The following RAPGEF5 variants were observed in gnomAD, a reference collection of about 807,000 sequenced individuals.
RAPGEF5 encodes the protein Rap guanine nucleotide exchange factor 5.
A neutral mutation model predicts 125.2 loss-of-function variants in RAPGEF5; 65 were observed. That is an observed-to-expected ratio of 0.52 (90% CI 0.43 to 0.64). RAPGEF5 has a LOEUF of 0.64. RAPGEF5 is among the 30% of genes least tolerant of loss of function. RAPGEF5 has a pLI of 0.00. For missense variants in RAPGEF5, 958 were observed against 1,048.1 expected (o/e 0.91, Z 1.19); for synonymous variants, 391 against 385.9 (o/e 1.01, Z -0.16).
chr7:22,185,110 A>G (rs561533444), intron 11 of RAPGEF5, among the ~76,000 whole-genome samples: 1 of 152,332 alleles, frequency 6.6e-6, no homozygotes, highest in Admixed American at 6.5e-5. Flanking sequence ...TTTTACTTCA[A>G]TTATGCCTTT....
chr7:22,305,898 G>A (rs1189995287), intron 5 of RAPGEF5, among the ~76,000 whole-genome samples: 1 of 152,032 alleles, frequency 6.6e-6, no homozygotes, highest in Non-Finnish European at 1.5e-5. Context: ...TCTTTTTTAT[G>A]GCTGAATAGT....
chr7:22,352,403 T>C (rs1049907219), intron 1 of RAPGEF5, among the ~76,000 whole-genome samples: 7 of 143,396 alleles, frequency 4.9e-5, no homozygotes, highest in Non-Finnish European at 7.8e-5. Flanking sequence ...AATGAACGAT[T>C]GTCAGTTTAA....
intron 1 of RAPGEF5, among the ~76,000 whole-genome samples, chr7:22,342,000 G>C (rs1784138421): frequency 6.6e-6 from 1 of 152,152 alleles, no homozygotes; most frequent in African/African-American, 2.4e-5. Context: ...CTGTTTAGGG[G>C]CTCCCACCCC....
intron 8 of RAPGEF5, among the ~76,000 whole-genome samples, chr7:22,223,317 G>A (rs1025262129): frequency 6.6e-6 from 1 of 152,182 alleles, no homozygotes; most frequent in Non-Finnish European, 1.5e-5. Flanking sequence ...AACAAGATGG[G>A]CTCAAAATAA....
chr7:22,257,109 C>T (rs1258880850), intron 7 of RAPGEF5, among the ~76,000 whole-genome samples: 2 of 152,140 alleles, frequency 1.3e-5, no homozygotes, highest in African/African-American at 2.4e-5. Flanking sequence ...TGCAGTTAGA[C>T]AGAAATCCGG....
intron 21 of RAPGEF5, among the ~76,000 whole-genome samples, chr7:22,139,173 T>C (rs993638076): frequency 6.6e-6 from 1 of 151,860 alleles, no homozygotes; most frequent in Non-Finnish European, 1.5e-5. Context: ...TTGGGAACCA[T>C]GAAGAGAATG....
At chr7:22,192,883 T>C (rs368629470) in intron 11 of RAPGEF5, 8 of 173,346 alleles carry the variant, frequency 4.6e-5, no homozygotes, top group African/African-American at 1.7e-4. Context: ...CCAGGCAGTT[T>C]GTAAACCACT....
At chr7:22,202,817 G>T in intron 9 of RAPGEF5, 1 of 200,786 alleles carries the variant, frequency 5.0e-6, no homozygotes, top group South Asian at 6.1e-5. Context: ...TAGCTGGGTG[G>T]TCTATCTCTC....
intron 7 of RAPGEF5, among the ~76,000 whole-genome samples, chr7:22,240,973 A>G (rs1297101345): frequency 6.6e-6 from 1 of 152,214 alleles, no homozygotes; most frequent in Non-Finnish European, 1.5e-5. Flanking sequence ...AACAAGCCCC[A>G]GAAGCATGTG....
Position 22,119,479 on chromosome 7 carries a change from A to G in RAPGEF5, c.*2927T>C, listed in dbSNP as rs1367259631. On this transcript the variant is annotated 3_prime_UTR_variant, in exon 26 of 26. Transcript: ENST00000665637. The surrounding 1 kb of genome is among the most constrained non-coding windows in gnomAD (Gnocchi z 4.1). Reference sequence around the variant, plus strand: ...GAGCAAATTCAAAACACCACACTCTAGGGAACACCTGCAAATGTGTATGTA... The same window carrying G: ...GAGCAAATTCAAAACACCACACTCTGGGGAACACCTGCAAATGTGTATGTA... 6.6e-6 allele frequency: 1 copy of G among 152,202 alleles called. No individual in the cohort carries two copies. Among genetic ancestry groups the G allele is most frequent in the Non-Finnish European group, 1.5e-5 (1 of 68,032 alleles). The allele number at this position is 152,202 out of a possible 1,614,324, so 9.4% of individuals were successfully genotyped here.
At chr7:22,293,712 G>A (rs563259424) in intron 5 of RAPGEF5, among the ~76,000 whole-genome samples, 20 of 152,120 alleles carry the variant, frequency 1.3e-4, no homozygotes, top group Non-Finnish European at 2.1e-4. Flanking sequence ...GCACCAGCAC[G>A]CAACTGTCCC....
rs751979051 is a variant in RAPGEF5 at position 22,157,904 on chromosome 7, A to G, written c.1527-19T>C. The G allele has an allele frequency of 5.0e-6, 8 of 1,607,014 alleles. No individual in the cohort carries two copies. In the Admixed American group the frequency reaches 5.0e-5, roughly 10 times the overall value. ...TACAGTGCTGAAAGGAAAAATGGCA[A>G]GAAGTCAGTCTTTGTCTCAAACCCA... On this transcript the variant is annotated intron_variant, in intron 14 of 25. Coordinates refer to ENST00000665637, the MANE Select transcript of RAPGEF5 (RefSeq NM_012294.5).
At chr7:22,199,349 G>GT (rs1241583416) in intron 9 of RAPGEF5, among the ~76,000 whole-genome samples, 4 of 152,050 alleles carry the variant, frequency 2.6e-5, no homozygotes, top group African/African-American at 4.8e-5. Context: ...GAGGAAGGCT[G>GT]TATTTGTGGG....
At chr7:22,252,588 T>C (rs765233645) in intron 7 of RAPGEF5, among the ~76,000 whole-genome samples, 2 of 152,224 alleles carry the variant, frequency 1.3e-5, no homozygotes, top group Non-Finnish European at 2.9e-5. Context: ...TTCTCAGGGT[T>C]AAAGGAATCT....
At chr7:22,185,780 G>A (rs1255100537) in intron 11 of RAPGEF5, among the ~76,000 whole-genome samples, 2 of 152,024 alleles carry the variant, frequency 1.3e-5, no homozygotes, top group African/African-American at 4.8e-5. Context: ...GCACACCCAG[G>A]GCAGCTGGAG....
chr7:22,154,534 T>C lies in RAPGEF5; in HGVS notation c.1707A>G (p.Gln569=), dbSNP rs1052858364. The C allele has an allele frequency of 8.7e-6, 14 of 1,613,794 alleles. No homozygotes were observed. The highest frequency in any genetic ancestry group is 2.7e-5 in the African/African-American group (2 of 74,930). ...SVKAKVSSIA[Q]EILKVVAEKI... is the part of the protein sequence containing the mutation. ...TTTCTGCCACGACTTTTAGGATCTC[T>C]TGGGCTATACTGGAAACTTTTGCCT... Residue 569 remains glutamine, a synonymous_variant, in exon 17 of 26, where the codon CAA becomes CAG. Coordinates refer to ENST00000665637, the MANE Select transcript of RAPGEF5 (RefSeq NM_012294.5).
At chr7:22,133,265 C>T (rs1389229573) in intron 23 of RAPGEF5, among the ~76,000 whole-genome samples, 1 of 152,094 alleles carries the variant, frequency 6.6e-6, no homozygotes, top group Admixed American at 6.6e-5. Flanking sequence ...AGAGGGGAGA[C>T]AGGCTGGAAG....
chr7:22,145,254 T>C (rs1783397713), intron 19 of RAPGEF5, 32 bp from the exon 20 acceptor site: 2 of 1,574,440 alleles, frequency 1.3e-6, no homozygotes, highest in Non-Finnish European at 1.7e-6. Context: ...CCAGGGTTTA[T>C]TTATAGCAAA....
chr7:22,273,279 C>T (rs868869033), intron 6 of RAPGEF5, among the ~76,000 whole-genome samples: 7 of 130,384 alleles, frequency 5.4e-5, no homozygotes, highest in Admixed American at 1.8e-4. Flanking sequence ...AGTGCAGTGG[C>T]GCAATCTCGG....
Sources: gnomAD v4.1 joint callset for allele counts (sites outside exome capture counted in the v4.1 genomes callset) on GRCh38, gnomAD v4.1.1 for gene constraint, Gnocchi (gnomAD v3.1) non-coding constraint, MANE v1.5 for transcripts, NCBI Gene and HGNC (gene_info 2026-07-23, HGNC 2026-07-21) for gene names.